HIGD1C: variants seen among roughly 807,000 people sequenced by gnomAD.
The protein encoded by HIGD1C is HIG1 domain family member 1C.
HIGD1C carries 11 observed loss-of-function variants against 13.1 expected under a neutral mutation model. The ratio of observed to expected loss-of-function variants is 0.84; its 90% CI spans 0.53 to 1.39. The LOEUF (loss-of-function observed/expected upper bound fraction) is 1.39. Among genes scored for constraint, HIGD1C ranks in the 40% most tolerant of loss-of-function variants. The pLI, the probability that HIGD1C is intolerant of heterozygous loss-of-function variation, is 0.00. For missense variants in HIGD1C, 110 were observed against 112.0 expected (o/e 0.98, Z 0.08); for synonymous variants, 36 against 37.7 (o/e 0.95, Z 0.17).
intron 2 of HIGD1C, 35 bp from the exon 5 acceptor site, chr12:50,970,407 G>A (rs551686248): frequency 9.6e-7 from 1 of 1,042,186 alleles, no homozygotes; most frequent in African/African-American, 1.6e-5. Flanking sequence ...TGTTTCCCAT[G>A]GATACTCAAT....
At chr12:50,952,240 G>C (rs1938924249), upstream of HIGD1C, among the ~76,000 whole-genome samples, 1 of 151,616 alleles carries the variant, frequency 6.6e-6, no homozygotes, top group Non-Finnish European at 1.5e-5. Flanking sequence ...TGGAAGAAAA[G>C]GCATAAGTCT....
chr12:50,950,642 T>C (rs1938871471), upstream of HIGD1C, among the ~76,000 whole-genome samples: 1 of 150,164 alleles, frequency 6.7e-6, no homozygotes, highest in African/African-American at 2.5e-5. Flanking sequence ...TAGCTGGGAT[T>C]ACAGGCACGC....
At chr12:50,942,585 G>C in the HIGD1C span, among the ~76,000 whole-genome samples, 4,277 of 152,298 alleles carry the variant, frequency 0.028, 203 homozygotes, top group African/African-American at 0.098. Flanking sequence ...TGCAAAGCTT[G>C]GCTGGGTGTA....
upstream of HIGD1C, among the ~76,000 whole-genome samples, chr12:50,953,357 G>T (rs1379260507): frequency 6.6e-6 from 1 of 152,226 alleles, no homozygotes; most frequent in Non-Finnish European, 1.5e-5. Flanking sequence ...AAGCTGCACA[G>T]GGAACAGACT....
At chr12:50,942,345 C>A in the HIGD1C span, among the ~76,000 whole-genome samples, 1 of 152,312 alleles carries the variant, frequency 6.6e-6, no homozygotes, top group South Asian at 2.1e-4. Context: ...TCCTAGCTCT[C>A]CCCCTCTCAC....
At chr12:50,937,742 A>C in the HIGD1C span, among the ~76,000 whole-genome samples, 2 of 151,902 alleles carry the variant, frequency 1.3e-5, no homozygotes, top group Admixed American at 1.3e-4. Context: ...GAAGTGGGTA[A>C]CTCCTTTCTG....
At chr12:50,970,606 C>A, downstream of HIGD1C, 1 of 711,266 alleles carries the variant, frequency 1.4e-6, no homozygotes, top group South Asian at 1.6e-5. Context: ...ACACAAGTGT[C>A]ACAGAATGCT....
intron 2 of HIGD1C, among the ~76,000 whole-genome samples, chr12:50,962,910 A>G (rs574987278): frequency 6.6e-6 from 1 of 152,184 alleles, no homozygotes; most frequent in Non-Finnish European, 1.5e-5. Flanking sequence ...GTGGAACTCT[A>G]CATAGCTTGG....
intron 1 of HIGD1C, among the ~76,000 whole-genome samples, chr12:50,959,726 C>T (rs947163458): frequency 7.9e-5 from 12 of 152,182 alleles, no homozygotes; most frequent in Non-Finnish European, 1.6e-4. Flanking sequence ...CAGCTCACTG[C>T]AACCTCCACC....
the HIGD1C span, among the ~76,000 whole-genome samples, chr12:50,946,016 C>T: frequency 6.6e-6 from 1 of 152,168 alleles, no homozygotes; most frequent in African/African-American, 2.4e-5. Context: ...GCTGGGAAAA[C>T]TGGCTAGCCA....
At chr12:50,947,242 T>C in the HIGD1C span, among the ~76,000 whole-genome samples, 2,731 of 152,326 alleles carry the variant, frequency 0.018, 91 homozygotes, top group African/African-American at 0.061. Flanking sequence ...TGCTCTAATG[T>C]ATTACCATAA....
the HIGD1C span, among the ~76,000 whole-genome samples, chr12:50,948,247 A>C: frequency 6.6e-6 from 1 of 152,212 alleles, no homozygotes; most frequent in African/African-American, 2.4e-5. Flanking sequence ...AAATTATGAA[A>C]CCTAACAAAT....
downstream of HIGD1C, among the ~76,000 whole-genome samples, chr12:50,971,915 C>T (rs897440213): frequency 1.3e-5 from 2 of 152,126 alleles, no homozygotes; most frequent in South Asian, 4.1e-4. Flanking sequence ...ACATTTTTCC[C>T]CATTGGGACA....
At chr12:50,940,069 T>C in the HIGD1C span, 7 of 152,272 alleles carry the variant, frequency 4.6e-5, no homozygotes, top group African/African-American at 1.7e-4. Context: ...GAAGATTTGG[T>C]ATATTTTAAA....
the HIGD1C span, among the ~76,000 whole-genome samples, chr12:50,932,822 G>C: frequency 6.6e-6 from 1 of 152,174 alleles, no homozygotes; most frequent in Non-Finnish European, 1.5e-5. Context: ...ACTATCTCTT[G>C]AACGTGAAAA....
At chr12:50,969,612 T>G (rs1156355979) in intron 2 of HIGD1C, among the ~76,000 whole-genome samples, 3 of 151,226 alleles carry the variant, frequency 2.0e-5, no homozygotes, top group Admixed American at 6.6e-5. Context: ...GGCAGGAGAA[T>G]CGCTTGAACC....
chr12:50,952,036 C>T (rs1400726428), upstream of HIGD1C, among the ~76,000 whole-genome samples: 3 of 147,952 alleles, frequency 2.0e-5, no homozygotes, highest in African/African-American at 7.4e-5. Flanking sequence ...AATATATGAT[C>T]CTAATTGGAT....
chr12:50,953,878 C>T (rs1938989235), upstream of HIGD1C: 1 of 602,078 alleles, frequency 1.7e-6, no homozygotes, highest in East Asian at 2.8e-5. Flanking sequence ...AGCAGATAGG[C>T]TTATCAAACA....
intron 2 of HIGD1C, among the ~76,000 whole-genome samples, chr12:50,963,221 T>G (rs1040622902): frequency 2.6e-5 from 4 of 151,306 alleles, no homozygotes; most frequent in African/African-American, 9.7e-5. Context: ...AATACAAAAA[T>G]TGGCTGGGAG....
Sources: gnomAD v4.1 joint callset for allele counts (sites outside exome capture counted in the v4.1 genomes callset) on GRCh38, gnomAD v4.1.1 for gene constraint, MANE v1.5 for transcripts, NCBI Gene and HGNC (gene_info 2026-07-23, HGNC 2026-07-21) for gene names.